Variants in NUBP1 observed in about 807,000 individuals in gnomAD.
NUBP1 encodes NUBP iron-sulfur cluster assembly factor 1, cytosolic.
NUBP1 carries 46 observed loss-of-function variants against 41.8 expected under a neutral mutation model. The observed-to-expected ratio is 1.10, with a 90% CI of 0.87 to 1.41. NUBP1 has a LOEUF of 1.41. Ranked by LOEUF, NUBP1 falls within the 40% of genes most tolerant of loss-of-function variation. NUBP1 has a pLI of 0.00. For missense variants in NUBP1, 494 were observed against 414.0 expected, an observed-to-expected ratio of 1.19 and a Z score of -1.68; for synonymous variants, 189 against 154.6, an observed-to-expected ratio of 1.22 and a Z score of -1.65.
rs572372397 is a variant in NUBP1 at position 10,749,031 on chromosome 16, C to T, written c.258+1755C>T. Among the ~76,000 whole-genome samples, 5 of 151,494 alleles carry T rather than the reference C, an allele frequency of 3.3e-5. No homozygotes were observed. Among genetic ancestry groups the T allele is most frequent in the South Asian group, 2.1e-4 (1 of 4,788 alleles). On this transcript the variant is annotated intron_variant, in intron 3 of 10. Transcript: ENST00000283027. The surrounding 1 kb of genome is among the most constrained non-coding windows in gnomAD (Gnocchi z 4.1). ...GTTTGAACCCAGGAGGCGGAGGTCG[C>T]GGTGGGCCAAGATTGCCCTACTGCA...
intron 3 of NUBP1, among the ~76,000 whole-genome samples, chr16:10,751,135 C>T (rs1178794360): frequency 2.6e-5 from 4 of 152,264 alleles, no homozygotes; most frequent in East Asian, 1.9e-4. Context: ...ATCTGCTTCT[C>T]ATATCCTTAC....
At chr16:10,754,280 T>C (rs919315762) in intron 4 of NUBP1, among the ~76,000 whole-genome samples, 1 of 151,992 alleles carries the variant, frequency 6.6e-6, no homozygotes, top group Admixed American at 6.6e-5. Flanking sequence ...TTCACTCTTG[T>C]TGCCCAGGCT....
At chr16:10,751,065 G>C (rs909403840) in intron 3 of NUBP1, among the ~76,000 whole-genome samples, 5 of 152,168 alleles carry the variant, frequency 3.3e-5, no homozygotes, top group Non-Finnish European at 5.9e-5. Context: ...TGGCCATCTG[G>C]GTAGCAGGAG....
intron 4 of NUBP1, among the ~76,000 whole-genome samples, chr16:10,754,854 G>A (rs1403733660): frequency 6.6e-6 from 1 of 151,988 alleles, no homozygotes; most frequent in Non-Finnish European, 1.5e-5. Context: ...AGACCAGGCT[G>A]GCCAACATGG....
chr16:10,763,951 T>A (rs1255950518), intron 9 of NUBP1: 1 of 186,964 alleles, frequency 5.3e-6, no homozygotes, highest in Non-Finnish European at 1.1e-5. Context: ...CAAGGGAGTA[T>A]CTCAGCCCAC....
chr16:10,748,414 C>T (rs548236148), intron 3 of NUBP1, among the ~76,000 whole-genome samples: 4 of 152,122 alleles, frequency 2.6e-5, no homozygotes, highest in Admixed American at 1.3e-4. Context: ...AGCATGAAAA[C>T]TCAGATTACC....
intron 9 of NUBP1, chr16:10,763,921 C>T (rs1173540703): frequency 1.6e-5 from 3 of 186,288 alleles, no homozygotes; most frequent in Non-Finnish European, 2.3e-5. Context: ...AGCATCTCAG[C>T]CCATGGGAGC....
At chr16:10,746,092 A>C (rs1900049884) in intron 2 of NUBP1, among the ~76,000 whole-genome samples, 1 of 152,210 alleles carries the variant, frequency 6.6e-6, no homozygotes, top group South Asian at 2.1e-4. Flanking sequence ...GTGTCTGGTT[A>C]ATGTAGAATG....
rs759822437 is a variant in NUBP1, at chr16:10,744,065, G to A, written c.124G>A (p.Ala42Thr). 6.3e-7 allele frequency: 1 copy of A among 1,575,806 alleles called. No homozygotes were observed. The highest frequency in any genetic ancestry group is 2.3e-5 in the East Asian group (1 of 42,968). Reference protein sequence around the residue: ...ASGAGATPDTAIEEIKEKMKT... With the variant: ...ASGAGATPDTTIEEIKEKMKT... ...TGGAGCGGGGGCCACTCCGGACACG[G>A]GTGAGAAAAGGGCAAGGCCTCAACA... The change falls in exon 2 of 11, where the codon GCT (alanine) becomes ACT (threonine). Residue 42 changes from alanine to threonine, a missense_variant and splice_region_variant. Ala to Thr is a moderately conservative substitution (Grantham distance 58). Transcript: ENST00000283027.
intron 7 of NUBP1, chr16:10,761,042 T>C: frequency 4.4e-6 from 1 of 225,212 alleles, no homozygotes; most frequent in Non-Finnish European, 8.9e-6. Context: ...AGAGAGAGAG[T>C]GTGTAGGAGG....
In NUBP1 at chr16:10,767,584, T is replaced by A. The variant is rs2031089642; in HGVS notation, c.821-365T>A. On this transcript the variant is annotated intron_variant, in intron 9 of 10. Transcript: ENST00000283027. The surrounding 1 kb of genome is among the most constrained non-coding windows in gnomAD (Gnocchi z 4.6). ...TTCGGACTTGGCCTTTTATGCCATA[T>A]CCTTTTGCATTCTGTACTTTTTTTA... 1 of 453,762 alleles carries A rather than the reference T, an allele frequency of 2.2e-6. No individual in the cohort carries two copies. Among genetic ancestry groups the A allele is most frequent in the Admixed American group, 3.8e-5 (1 of 25,976 alleles). The allele number at this position is 453,762 out of a possible 1,614,324, so 28.1% of individuals were successfully genotyped here.
Position 10,744,022 on chromosome 16 carries a change from C to A in NUBP1, c.81C>A (p.Asn27Lys), listed in dbSNP as rs762396990. 6.3e-7 allele frequency: 1 copy of A among 1,580,094 alleles called. No homozygotes were observed. Among genetic ancestry groups the A allele is most frequent in the Non-Finnish European group, 8.6e-7 (1 of 1,168,862 alleles). Residue 27 changes from asparagine to lysine, a missense_variant, in exon 2 of 11, where the codon AAC (asparagine) becomes AAA (lysine). By Grantham distance (94) the Asn-to-Lys change is moderately conservative (BLOSUM62 0). Coordinates refer to ENST00000283027, the MANE Select transcript of NUBP1 (RefSeq NM_002484.4). ...GRGASCQGCPNQRLCASGAGA... is the reference protein window; with the variant it reads ...GRGASCQGCPKQRLCASGAGA... Reference sequence around the variant, plus strand: ...GGGCTTCATGTCAGGGATGCCCCAACCAGCGGCTGTGCGCTTCTGGAGCGG... The same window carrying A: ...GGGCTTCATGTCAGGGATGCCCCAAACAGCGGCTGTGCGCTTCTGGAGCGG...
chr16:10,744,047 G>A lies in NUBP1; in HGVS notation c.106G>A (p.Gly36Arg), dbSNP rs1335886587. The change falls in exon 2 of 11, where the codon GGG becomes AGG. Residue 36 changes from glycine to arginine, a missense_variant. Coordinates refer to ENST00000283027, the MANE Select transcript of NUBP1 (RefSeq NM_002484.4). ...CCAGCGGCTGTGCGCTTCTGGAGCG[G>A]GGGCCACTCCGGACACGGGTGAGAA... is the stretch of plus-strand genomic sequence containing the variant. ...PNQRLCASGAGATPDTAIEEI... is the reference protein window; with the variant it reads ...PNQRLCASGARATPDTAIEEI... The A allele has an allele frequency of 2.0e-5, 32 of 1,583,276 alleles. 1 individual carries two copies. The East Asian group carries it at 5.3e-4, about 26-fold the overall frequency.
Position 10,753,084 on chromosome 16 carries a change from G to A in NUBP1, c.327+406G>A, listed in dbSNP as rs1268518371. Among the ~76,000 whole-genome samples the A allele has an allele frequency of 5.3e-5, 8 of 151,646 alleles. 1 individual carries two copies. Among genetic ancestry groups the A allele is most frequent in the Admixed American group, 4.6e-4 (7 of 15,244 alleles). ...GCTAGGATTACAGGCGTGAGCCACC[G>A]CACCTGGCCTGTAAATGTTTATGTG... On this transcript the variant is annotated intron_variant, in intron 4 of 10. Transcript: ENST00000283027.
At chr16:10,762,012 A>G (rs965425795) in intron 9 of NUBP1, 153 bp downstream of exon 9, 4 of 602,932 alleles carry the variant, frequency 6.6e-6, no homozygotes, top group Middle Eastern at 4.4e-4. Flanking sequence ...CTGGCACCCC[A>G]AGAGGCCACC....
At chr16:10,756,199 C>T (rs772435009) in intron 5 of NUBP1, among the ~76,000 whole-genome samples, 1 of 151,894 alleles carries the variant, frequency 6.6e-6, no homozygotes, top group African/African-American at 2.4e-5. Context: ...GCCAACATGG[C>T]GAAATCCCAT....
At chr16:10,747,683 A>G (rs910119145) in intron 3 of NUBP1, among the ~76,000 whole-genome samples, 2 of 152,214 alleles carry the variant, frequency 1.3e-5, no homozygotes, top group Non-Finnish European at 2.9e-5. Context: ...CCTCTTTGGA[A>G]TCTCAATCCG....
rs1387993765 is a variant in NUBP1 at position 10,757,172 on chromosome 16, G to A, written c.451+392G>A. On this transcript the variant is annotated intron_variant, in intron 6 of 10. Transcript: ENST00000283027. This position sits in a 1 kb window ranked among gnomAD's most constrained non-coding sequence, Gnocchi z 4.1. ...AAAAATTAGCCGAGCATGGTGGCAC[G>A]TACCTGTAATCCCAGCTACTCGAGA... Among the ~76,000 whole-genome samples, 7 of 152,018 alleles carry A rather than the reference G, an allele frequency of 4.6e-5. No individual in the cohort carries two copies. The highest frequency in any genetic ancestry group is 2.1e-4 in the South Asian group (1 of 4,810).
At chr16:10,763,046 A>G (rs1325952969) in intron 9 of NUBP1, among the ~76,000 whole-genome samples, 1 of 151,978 alleles carries the variant, frequency 6.6e-6, no homozygotes, top group Non-Finnish European at 1.5e-5. Context: ...ACAAGAGAGA[A>G]AGTGACGGCA....
Sources: allele counts gnomAD v4.1 joint callset (sites outside exome capture counted in the v4.1 genomes callset), GRCh38; gene constraint gnomAD v4.1.1; non-coding constraint Gnocchi (gnomAD v3.1); transcripts MANE v1.5; gene names NCBI Gene and HGNC (gene_info 2026-07-23, HGNC 2026-07-21).